TM9SF3: variants seen among roughly 807,000 people sequenced by gnomAD.
TM9SF3 encodes transmembrane 9 superfamily member 3, also known as SM-11044-binding protein.
A neutral mutation model predicts 78.6 loss-of-function variants in TM9SF3; 14 were observed. That is an observed-to-expected ratio of 0.18 (90% CI 0.12 to 0.28). TM9SF3 has a LOEUF of 0.28. TM9SF3 is among the 10% of genes least tolerant of loss of function. TM9SF3 has a pLI of 1.00. For missense variants in TM9SF3, 496 were observed against 721.9 expected, an observed-to-expected ratio of 0.69 and a Z score of 3.59; for synonymous variants, 231 against 241.7, an observed-to-expected ratio of 0.96 and a Z score of 0.41.
chr10:96,520,181 T>G lies in TM9SF3; in HGVS notation c.*2082A>C, dbSNP rs982152769. The G allele has an allele frequency of 1.3e-5, 2 of 151,924 alleles. No homozygotes were observed. Among genetic ancestry groups the G allele is most frequent in the Non-Finnish European group, 2.9e-5 (2 of 67,820 alleles). 9.4% of individuals were successfully genotyped at this position (151,924 alleles called of 1,614,324 possible). ...AGAAAGAAACCAAAAAAGTACTTTA[T>G]ATATAGTTAAAAGGTTACATAATAT... On this transcript the variant is annotated 3_prime_UTR_variant, in exon 15 of 15. Transcript: ENST00000371142.
At chr10:96,553,163 C>T in intron 5 of TM9SF3, 104 bp from the exon 6 acceptor site, 1 of 1,234,130 alleles carries the variant, frequency 8.1e-7, no homozygotes, top group South Asian at 1.9e-5. Flanking sequence ...AAAAAAAAGT[C>T]TTTAATTAAA....
intron 9 of TM9SF3, among the ~76,000 whole-genome samples, chr10:96,534,834 A>C (rs1847937159): frequency 6.6e-6 from 1 of 152,214 alleles, no homozygotes; most frequent in East Asian, 1.9e-4. Context: ...TATCACAGCC[A>C]GGTTAACTCA....
intron 1 of TM9SF3, among the ~76,000 whole-genome samples, chr10:96,582,576 A>C (rs903546550): frequency 6.6e-6 from 1 of 152,214 alleles, no homozygotes; most frequent in Non-Finnish European, 1.5e-5. Context: ...CCCTTCAATC[A>C]GTTATTAAAA....
chr10:96,583,080 C>CAAA (rs113343282), intron 1 of TM9SF3, among the ~76,000 whole-genome samples: 1 of 78,706 alleles, frequency 1.3e-5, no homozygotes, highest in Non-Finnish European at 2.6e-5. Flanking sequence ...AACATAGTCT[C>CAAA]AAAAAAAAAA....
intron 5 of TM9SF3, among the ~76,000 whole-genome samples, chr10:96,559,187 CT>C: frequency 6.6e-6 from 1 of 152,270 alleles, no homozygotes; most frequent in East Asian, 1.9e-4. Context: ...TCTGTTCTTT[CT>C]CACACCGTAA....
chr10:96,532,598 G>T (rs1847911157), intron 10 of TM9SF3, among the ~76,000 whole-genome samples: 1 of 152,140 alleles, frequency 6.6e-6, no homozygotes, highest in South Asian at 2.1e-4. Flanking sequence ...TGGAAAGATA[G>T]TAAATATTTC....
At chr10:96,579,035 G>A (rs186976246) in intron 1 of TM9SF3, among the ~76,000 whole-genome samples, 48 of 152,278 alleles carry the variant, frequency 3.2e-4, no homozygotes, top group African/African-American at 9.9e-4. Context: ...CTGAGATTGC[G>A]CCACTGCACT....
chr10:96,518,506 C>T lies in TM9SF3; in HGVS notation c.*3757G>A, dbSNP rs1847722064. On this transcript the variant is annotated 3_prime_UTR_variant, in exon 15 of 15. Transcript: ENST00000371142. ...AGTAAACACAAACTGCTGCAGTTAT[C>T]AATTAGCAAGCCTAGTTCACCAATA... 1 of 152,146 alleles carries T rather than the reference C, an allele frequency of 6.6e-6. No individual in the cohort carries two copies. Among genetic ancestry groups the T allele is most frequent in the South Asian group, 2.1e-4 (1 of 4,826 alleles). 9.4% of individuals were successfully genotyped at this position (152,146 alleles called of 1,614,324 possible).
chr10:96,532,964 AC>A, intron 10 of TM9SF3, 86 bp downstream of exon 10: 1 of 1,472,274 alleles, frequency 6.8e-7, no homozygotes, highest in Non-Finnish European at 9.3e-7. Context: ...ATAAATACAT[AC>A]CAATTCTAAA....
chr10:96,536,021 T>C (rs567880205), intron 9 of TM9SF3, among the ~76,000 whole-genome samples: 3 of 152,146 alleles, frequency 2.0e-5, no homozygotes, highest in African/African-American at 7.2e-5. Flanking sequence ...AGAAAATTAA[T>C]ACTTTCACCA....
intron 11 of TM9SF3, 69 bp downstream of exon 11, chr10:96,530,471 T>C: frequency 7.8e-7 from 1 of 1,282,674 alleles, no homozygotes; most frequent in African/African-American, 1.5e-5. Flanking sequence ...ACTTTACATG[T>C]TCCCTAACTC....
chr10:96,542,953 G>C (rs1848051465), intron 9 of TM9SF3, among the ~76,000 whole-genome samples: 1 of 152,126 alleles, frequency 6.6e-6, no homozygotes, highest in South Asian at 2.1e-4. Flanking sequence ...CCATATAATA[G>C]AAAGAAAACC....
At chr10:96,572,999 C>A (rs886142388) in intron 2 of TM9SF3, among the ~76,000 whole-genome samples, 4 of 152,096 alleles carry the variant, frequency 2.6e-5, no homozygotes, top group African/African-American at 7.2e-5. Context: ...ATCCATGGAG[C>A]CTGACACAGT....
At chr10:96,586,246 G>A (rs969722897) in intron 1 of TM9SF3, among the ~76,000 whole-genome samples, 1 of 152,216 alleles carries the variant, frequency 6.6e-6, no homozygotes, top group Non-Finnish European at 1.5e-5. Context: ...GGCGATAAAA[G>A]CCAAAGGAGA....
intron 9 of TM9SF3, among the ~76,000 whole-genome samples, chr10:96,541,060 G>A (rs527700875): frequency 1.3e-5 from 2 of 151,356 alleles, no homozygotes; most frequent in African/African-American, 2.4e-5. Flanking sequence ...CACTGCGCCC[G>A]GCCAGTTTTA....
At chr10:96,556,897 TCTTA>T (rs1306165572) in intron 5 of TM9SF3, among the ~76,000 whole-genome samples, 2 of 152,156 alleles carry the variant, frequency 1.3e-5, no homozygotes, top group African/African-American at 4.8e-5. Flanking sequence ...TCAGTGCTCA[TCTTA>T]CTTGACCCAT....
In TM9SF3 at chr10:96,530,598, G is replaced by A. The variant is rs1461487411; in HGVS notation, c.1336C>T (p.Pro446Ser). The change falls in exon 11 of 15, where the codon CCT becomes TCT. Residue 446 changes from proline (P) to serine (S), a missense_variant. This residue lies in a region of TM9SF3 where 280 missense variants were observed against 422.6 expected (regional missense o/e 0.66). Coordinates refer to ENST00000371142, the MANE Select transcript of TM9SF3 (RefSeq NM_020123.4). ...CCACCCAGGCAAACAATAACCGCAG[G>A]CTCCATGAACCTGGAAAATATTAAA... ...PIPEKKWFME[P>S]AVIVCLGGIL... 1.9e-6 allele frequency: 3 copies of A among 1,611,336 alleles called. No homozygotes were observed. Among genetic ancestry groups the A allele is most frequent in the Admixed American group, 1.7e-5 (1 of 59,732 alleles).
chr10:96,586,470 G>A (rs1848631100), intron 1 of TM9SF3, among the ~76,000 whole-genome samples: 1 of 152,058 alleles, frequency 6.6e-6, no homozygotes, highest in Admixed American at 6.5e-5. Flanking sequence ...CAGGAACCCC[G>A]AGACCCTGGG....
intron 13 of TM9SF3, 24 bp downstream of exon 13, chr10:96,527,389 A>C (rs1273193156): frequency 6.3e-7 from 1 of 1,598,034 alleles, no homozygotes. Flanking sequence ...CCTAAATAAA[A>C]GGTAAAAAAA....
Sources: gnomAD v4.1 joint callset for allele counts (sites outside exome capture counted in the v4.1 genomes callset) on GRCh38, gnomAD v4.1.1 for gene constraint, gnomAD v4.1.1 regional missense constraint, MANE v1.5 for transcripts, NCBI Gene and HGNC (gene_info 2026-07-23, HGNC 2026-07-21) for gene names.